ATP2B2: variants seen among roughly 807,000 people sequenced by gnomAD.
ATP2B2 encodes ATPase plasma membrane Ca2+ transporting 2, also known as plasma membrane calcium-transporting ATPase 2.
Under a neutral mutation model 120.0 loss-of-function variants are expected in ATP2B2, and 15 were observed. The ratio of observed to expected loss-of-function variants is 0.12; its 90% CI spans 0.08 to 0.19. The LOEUF (loss-of-function observed/expected upper bound fraction) is 0.19. Among genes scored for constraint, ATP2B2 ranks in the 10% least tolerant of loss-of-function variants. The probability of loss-of-function intolerance (pLI) is 1.00; values close to 1 mark genes in which losing one functional copy is unlikely to be tolerated. For synonymous variants in ATP2B2, 694 were observed against 700.3 expected (o/e 0.99, Z 0.14); for missense variants, 1,045 against 1,719.8 (o/e 0.61, Z 6.94).
chr3:10,624,462 T>C (rs557305209), intron 1 of ATP2B2, among the ~76,000 whole-genome samples: 1 of 152,252 alleles, frequency 6.6e-6, no homozygotes, highest in South Asian at 2.1e-4. Context: ...GGCCATACGC[T>C]CTTGAAGGAG....
At chr3:10,471,364 C>CTGAGTGTGTGTGTGTGTGTGTG (rs1221371075) in intron 1 of ATP2B2, among the ~76,000 whole-genome samples, 23 of 150,468 alleles carry the variant, frequency 1.5e-4, no homozygotes, top group African/African-American at 5.1e-4. Flanking sequence ...TTCAGGAAAC[C>CTGAGTGTGTGTGTGTGTGTGTG]TGTGTGTGTG....
At chr3:10,544,083 A>C (rs1235391176) in intron 2 of ATP2B2, among the ~76,000 whole-genome samples, 1 of 152,196 alleles carries the variant, frequency 6.6e-6, no homozygotes, top group African/African-American at 2.4e-5. Context: ...TTCAGAAAAG[A>C]AGTTTGAGAA....
intron 3 of ATP2B2, chr3:10,534,036 C>T (rs1414827486): frequency 6.6e-6 from 1 of 152,238 alleles, no homozygotes; most frequent in Non-Finnish European, 1.5e-5. Context: ...GTCTCCAACT[C>T]ACCCCTCCAC....
rs546674314 is a variant in ATP2B2 at position 10,663,633 on chromosome 3, G to A, written c.-459-43672C>T. Among the ~76,000 whole-genome samples, 5 of 152,250 alleles carry A rather than the reference G, an allele frequency of 3.3e-5. No homozygotes were observed. In the South Asian group the frequency reaches 1.0e-3, roughly 32 times the overall value. ...CCAAGGCGACTCCAGTAACCCTCTG[G>A]GGGCCTGCTAGAGAAGAGTTTCTGG... On this transcript the variant is annotated intron_variant, in intron 1 of 21. Coordinates refer to the ATP2B2 transcript ENST00000646379.
intron 2 of ATP2B2, among the ~76,000 whole-genome samples, chr3:10,605,717 C>T (rs1380276482): frequency 4.0e-5 from 6 of 150,946 alleles, no homozygotes; most frequent in East Asian, 3.9e-4. Context: ...GGTGCAATAT[C>T]GGCTCACTGC....
intron 1 of ATP2B2, among the ~76,000 whole-genome samples, chr3:10,477,133 T>C (rs2065234395): frequency 6.6e-6 from 1 of 152,256 alleles, no homozygotes; most frequent in Non-Finnish European, 1.5e-5. Context: ...CAGACACCAG[T>C]GTCCTGCCTG....
chr3:10,540,289 A>G (rs939047180), intron 2 of ATP2B2, among the ~76,000 whole-genome samples: 21 of 152,358 alleles, frequency 1.4e-4, no homozygotes, highest in African/African-American at 5.0e-4. Context: ...AACTAGTTCA[A>G]CCATTGTGGA....
At chr3:10,460,050 G>C (rs1013030651) in intron 1 of ATP2B2, among the ~76,000 whole-genome samples, 26 of 152,380 alleles carry the variant, frequency 1.7e-4, no homozygotes, top group African/African-American at 6.0e-4. Flanking sequence ...GTCACTGGCT[G>C]GTTGGTGAGG....
chr3:10,391,795 G>C (rs1048362476), intron 5 of ATP2B2, among the ~76,000 whole-genome samples: 3 of 152,180 alleles, frequency 2.0e-5, no homozygotes, highest in Non-Finnish European at 2.9e-5. Context: ...TCGAGGGTTT[G>C]GAGGGCTCCC....
At chr3:10,357,324 T>C (rs2060765334) in intron 14 of ATP2B2, among the ~76,000 whole-genome samples, 2 of 152,020 alleles carry the variant, frequency 1.3e-5, no homozygotes, top group South Asian at 4.2e-4. Context: ...ATGTAACTGG[T>C]TCAACGTCAC....
intron 2 of ATP2B2, among the ~76,000 whole-genome samples, chr3:10,446,230 C>T (rs975750825): frequency 4.3e-4 from 65 of 152,206 alleles, no homozygotes; most frequent in African/African-American, 1.2e-3. Flanking sequence ...CCAACCTTTC[C>T]GGAGAACGTG....
chr3:10,650,691 C>T (rs889205908), intron 1 of ATP2B2, among the ~76,000 whole-genome samples: 1 of 152,170 alleles, frequency 6.6e-6, no homozygotes, highest in African/African-American at 2.4e-5. Flanking sequence ...TGTGGGCTTG[C>T]CCCCCTGCTC....
intron 2 of ATP2B2, among the ~76,000 whole-genome samples, chr3:10,417,239 G>A (rs182418538): frequency 4.2e-4 from 64 of 150,818 alleles, no homozygotes; most frequent in African/African-American, 1.5e-3. Context: ...TGGGGCGGCC[G>A]GGCAGAGGGA....
At chr3:10,453,726 T>G (rs948431096) in intron 1 of ATP2B2, among the ~76,000 whole-genome samples, 1 of 152,194 alleles carries the variant, frequency 6.6e-6, no homozygotes, top group Non-Finnish European at 1.5e-5. Context: ...ACAAGCAAGC[T>G]ATGAGAATCG....
chr3:10,634,276 G>A (rs1312211626), intron 1 of ATP2B2, among the ~76,000 whole-genome samples: 1 of 152,226 alleles, frequency 6.6e-6, no homozygotes, highest in Non-Finnish European at 1.5e-5. Context: ...CTGAGGCTAC[G>A]TGACTTGTTT....
intron 2 of ATP2B2, among the ~76,000 whole-genome samples, chr3:10,440,263 C>T (rs73117766): frequency 6.2e-4 from 94 of 152,190 alleles, no homozygotes; most frequent in African/African-American, 2.2e-3. Flanking sequence ...AGAACCATTT[C>T]CCCAACCTTC....
chr3:10,399,134 C>A (rs1206910754), intron 5 of ATP2B2, among the ~76,000 whole-genome samples: 1 of 152,228 alleles, frequency 6.6e-6, no homozygotes, highest in Non-Finnish European at 1.5e-5. Flanking sequence ...TAGGCCCATG[C>A]CTGCCCCGGG....
Position 10,462,642 on chromosome 3 carries a change from C to T in ATP2B2, c.-319-12780G>A, listed in dbSNP as rs118122987. On this transcript the variant is annotated intron_variant, in intron 1 of 22. Coordinates refer to ENST00000360273, the MANE Select transcript of ATP2B2 (RefSeq NM_001001331.4). ...GGCTCAGAGAGGTAAAATAACATTA[C>T]GCTCAAGCTCACACAGCTAATGAGG... 2.1e-3 allele frequency among the ~76,000 whole-genome samples: 316 copies of T among 152,342 alleles called. 5 individuals carry two copies. In the South Asian group the frequency reaches 0.041, roughly 20 times the overall value.
At position 10,519,690 on chromosome 3, in the gene ATP2B2, A is replaced by G. The variant is rs143230110; in HGVS notation, c.-320+14349T>C. Reference sequence around the variant, plus strand: ...TAAGCCACCTCGTCCCATGAATGTTATAGTTCCAAAAGAAGATTCCAAGAG... The same window carrying G: ...TAAGCCACCTCGTCCCATGAATGTTGTAGTTCCAAAAGAAGATTCCAAGAG... On this transcript the variant is annotated intron_variant, in intron 3 of 21. Transcript: ENST00000646379. 2.5e-3 allele frequency among the ~76,000 whole-genome samples: 385 copies of G among 152,356 alleles called. 2 individuals are homozygous for G. Among genetic ancestry groups the G allele is most frequent in the African/African-American group, 9.0e-3 (374 of 41,578 alleles).
Sources: allele counts gnomAD v4.1 joint callset (sites outside exome capture counted in the v4.1 genomes callset), GRCh38; gene constraint gnomAD v4.1.1; transcripts MANE v1.5; gene names NCBI Gene and HGNC (gene_info 2026-07-23, HGNC 2026-07-21).